SGMS1: variants seen among roughly 807,000 people sequenced by gnomAD.
SGMS1 encodes sphingomyelin synthase 1, also known as phosphatidylcholine:ceramide cholinephosphotransferase 1.
In SGMS1, 13 loss-of-function variants were observed where a neutral mutation model predicts 46.2. The observed-to-expected ratio is 0.28, with a 90% confidence interval of 0.18 to 0.45. The LOEUF is 0.45. Among genes scored for constraint, SGMS1 ranks in the 20% least tolerant of loss-of-function variants. SGMS1 has a pLI of 1.00. For synonymous variants in SGMS1, 203 were observed against 187.8 expected (o/e 1.08, Z -0.66); for missense variants, 324 against 519.9 (o/e 0.62, Z 3.66).
chr10:50,355,847 C>T (rs1341404490), intron 6 of SGMS1, among the ~76,000 whole-genome samples: 1 of 152,016 alleles, frequency 6.6e-6, no homozygotes, highest in Non-Finnish European at 1.5e-5. Flanking sequence ...TGCCCCGCCG[C>T]CCTGTCTGAG....
intron 5 of SGMS1, among the ~76,000 whole-genome samples, chr10:50,448,679 G>T (rs1837057340): frequency 6.8e-6 from 1 of 147,796 alleles, no homozygotes; most frequent in South Asian, 2.2e-4. Context: ...GGGAGGCGGA[G>T]GTTGTGGTGA....
chr10:50,489,190 TTTAAG>T (rs1375396083), intron 3 of SGMS1, among the ~76,000 whole-genome samples: 1 of 152,238 alleles, frequency 6.6e-6, no homozygotes, highest in Non-Finnish European at 1.5e-5. Context: ...GGAGTAATCT[TTTAAG>T]TTATCTTTCA....
intron 2 of SGMS1, among the ~76,000 whole-genome samples, chr10:50,578,440 A>C (rs1051850352): frequency 6.6e-6 from 1 of 152,116 alleles, no homozygotes; most frequent in East Asian, 1.9e-4. Context: ...ATCAATAAGG[A>C]TTTTTTTCTA....
chr10:50,455,073 C>A (rs1162743846), intron 5 of SGMS1, among the ~76,000 whole-genome samples: 1 of 152,134 alleles, frequency 6.6e-6, no homozygotes, highest in Admixed American at 6.5e-5. Flanking sequence ...GTTTGCCCTG[C>A]TCACTATTGT....
At chr10:50,418,844 C>T (rs1485324269) in intron 6 of SGMS1, among the ~76,000 whole-genome samples, 1 of 152,116 alleles carries the variant, frequency 6.6e-6, no homozygotes, top group Non-Finnish European at 1.5e-5. Flanking sequence ...CTAAAATGCC[C>T]ACCTAACAGT....
intron 1 of SGMS1, among the ~76,000 whole-genome samples, chr10:50,622,935 G>A (rs1419697417): frequency 6.6e-6 from 1 of 152,216 alleles, no homozygotes. Flanking sequence ...GGGGGATAGC[G>A]CAGACCCCCT....
chr10:50,623,169 T>C (rs545856747), intron 1 of SGMS1, among the ~76,000 whole-genome samples: 3 of 151,622 alleles, frequency 2.0e-5, no homozygotes, highest in East Asian at 3.9e-4. Context: ...ATCGAGGGGC[T>C]ACGGTGGGGG....
intron 2 of SGMS1, among the ~76,000 whole-genome samples, chr10:50,549,521 C>T (rs772290088): frequency 6.6e-6 from 1 of 152,012 alleles, no homozygotes; most frequent in Non-Finnish European, 1.5e-5. Context: ...AGGGGAACAA[C>T]ACATATTGGG....
chr10:50,345,656 C>T (rs1847902518), intron 6 of SGMS1, among the ~76,000 whole-genome samples: 1 of 152,124 alleles, frequency 6.6e-6, no homozygotes, highest in African/African-American at 2.4e-5. Flanking sequence ...ATCCAAAATG[C>T]TCCAAAATCC....
intron 1 of SGMS1, 162 bp downstream of exon 1, chr10:50,623,545 C>A (rs930687384): frequency 1.1e-5 from 11 of 981,300 alleles, no homozygotes; most frequent in Non-Finnish European, 1.3e-5. Flanking sequence ...GGAGGACTGC[C>A]CGCCAGGTAC....
At chr10:50,418,162 C>A (rs936199203) in intron 6 of SGMS1, 1 of 152,114 alleles carries the variant, frequency 6.6e-6, no homozygotes, top group Admixed American at 6.5e-5. Context: ...CCAGCCCTGG[C>A]GCGGGCGGAA....
rs367861462 is a variant in SGMS1, at chr10:50,623,787, C to T, written c.-764G>A. 1.0e-6 allele frequency: 1 copy of T among 985,498 alleles called. No homozygotes were observed. The highest frequency in any genetic ancestry group is 1.2e-6 in the Non-Finnish European group (1 of 830,018). 61.0% of individuals were successfully genotyped at this position (985,498 alleles called of 1,614,324 possible). A position where few individuals can be genotyped will look rare whatever the true frequency, so the allele number is the denominator to read the frequency against. On this transcript the variant is annotated 5_prime_UTR_variant, in exon 1 of 11. Coordinates refer to ENST00000361781, the MANE Select transcript of SGMS1 (RefSeq NM_147156.4). ...AATGAAATCCGGGGCAGGGCAGCGT[C>T]GGGGCTCCGCACCCCAATCGCGCTC... is the stretch of plus-strand genomic sequence containing the variant.
At chr10:50,436,091 A>G (rs1323999793) in intron 5 of SGMS1, among the ~76,000 whole-genome samples, 2 of 152,218 alleles carry the variant, frequency 1.3e-5, no homozygotes, top group African/African-American at 2.4e-5. Flanking sequence ...CAAAAGAATT[A>G]TAAGCAACTT....
chr10:50,322,778 G>A (rs1029952740), intron 8 of SGMS1, among the ~76,000 whole-genome samples: 2 of 146,144 alleles, frequency 1.4e-5, no homozygotes, highest in Non-Finnish European at 3.0e-5. Flanking sequence ...CTTGCAGTGA[G>A]CCGAGATTGC....
chr10:50,503,485 A>C (rs1007929651), intron 3 of SGMS1, among the ~76,000 whole-genome samples: 1 of 152,114 alleles, frequency 6.6e-6, no homozygotes, highest in South Asian at 2.1e-4. Context: ...AAGCTCCCCT[A>C]CTGAGCACCT....
intron 3 of SGMS1, among the ~76,000 whole-genome samples, chr10:50,480,750 C>A (rs776411264): frequency 6.6e-6 from 1 of 152,174 alleles, no homozygotes; most frequent in Non-Finnish European, 1.5e-5. Flanking sequence ...TGAAGGCTAC[C>A]TAAGATGACT....
At chr10:50,459,532 T>C (rs892968657) in intron 5 of SGMS1, among the ~76,000 whole-genome samples, 2 of 152,164 alleles carry the variant, frequency 1.3e-5, no homozygotes, top group African/African-American at 4.8e-5. Flanking sequence ...GCCTCCCAAG[T>C]AGCTGGGACT....
At chr10:50,366,789 C>T (rs2842102) in intron 6 of SGMS1, among the ~76,000 whole-genome samples, 52,259 of 151,320 alleles carry the variant, frequency 0.35, 9,234 homozygotes, top group South Asian at 0.41. Flanking sequence ...CATCACACAC[C>T]GGAGCCTGTT....
chr10:50,524,378 AT>A lies in SGMS1; in HGVS notation c.-588-4458del, dbSNP rs532525120. ...TGAACTGCTCCCAGTCCCCCTTACCATTTCGTCTCCTAACACTTTATGCTCC... is the reference window on the plus strand; with the variant it reads ...TGAACTGCTCCCAGTCCCCCTTACCATTCGTCTCCTAACACTTTATGCTCC... On this transcript the variant is annotated intron_variant, in intron 2 of 10. Transcript: ENST00000361781. 5.9e-3 allele frequency among the ~76,000 whole-genome samples: 904 copies of A among 152,104 alleles called. 11 individuals carry two copies. Among genetic ancestry groups the A allele is most frequent in the African/African-American group, 0.021 (862 of 41,504 alleles).
Sources: gnomAD v4.1 joint callset for allele counts (sites outside exome capture counted in the v4.1 genomes callset) on GRCh38, gnomAD v4.1.1 for gene constraint, MANE v1.5 for transcripts, NCBI Gene and HGNC (gene_info 2026-07-23, HGNC 2026-07-21) for gene names.